ECT2: variants seen among roughly 807,000 people sequenced by gnomAD.
ECT2 encodes protein ECT2.
Under a neutral mutation model 116.9 loss-of-function variants are expected in ECT2, and 61 were observed. That is an observed-to-expected ratio of 0.52 (90% confidence interval 0.42 to 0.65). The LOEUF is 0.65. Ranked by LOEUF, ECT2 falls within the 30% of genes least tolerant of loss-of-function variation. The pLI is 0.00. For missense variants in ECT2, 937 were observed against 1,078.7 expected (o/e 0.87, Z 1.84); for synonymous variants, 358 against 346.4 (o/e 1.03, Z -0.37).
intron 18 of ECT2, among the ~76,000 whole-genome samples, chr3:172,796,037 GGAGA>G (rs529670772): frequency 4.0e-4 from 61 of 151,858 alleles, no homozygotes; most frequent in African/African-American, 1.4e-3. Context: ...AACCAGTGTG[GGAGA>G]GAGAGAGAGA....
Position 172,754,544 on chromosome 3 carries a change from G to C in ECT2, c.14G>C (p.Ser5Thr), listed in dbSNP as rs765434390. 1 of 1,597,832 alleles carries C rather than the reference G, an allele frequency of 6.3e-7. No homozygotes were observed. Among genetic ancestry groups the C allele is most frequent in the South Asian group, 1.1e-5 (1 of 87,608 alleles). ...AGAATACAAATCATGGCTGAAAATAGTGTATTAACATCCACTACTGGGAGG... is the reference window on the plus strand; with the variant it reads ...AGAATACAAATCATGGCTGAAAATACTGTATTAACATCCACTACTGGGAGG... MAEN[S>T]VLTSTTGRTS... Residue 5 changes from serine to threonine, a missense_variant, in exon 2 of 25, where the codon AGT (serine) becomes ACT (threonine). Physicochemically the swap from Ser to Thr is moderately conservative, Grantham distance 58 (BLOSUM62 1). Coordinates refer to ENST00000392692, the MANE Select transcript of ECT2 (RefSeq NM_001258315.2).
intron 24 of ECT2, chr3:172,818,608 C>A (rs761719174): frequency 3.9e-6 from 5 of 1,288,614 alleles, no homozygotes; most frequent in Non-Finnish European, 5.1e-6. Flanking sequence ...TTATGTTCAG[C>A]GCCTAAACTC....
chr3:172,817,068 A>G (rs1729851108), intron 24 of ECT2, among the ~76,000 whole-genome samples: 1 of 152,082 alleles, frequency 6.6e-6, no homozygotes, highest in Admixed American at 6.6e-5. Context: ...GGTGCACCTT[A>G]TACTTACAAA....
chr3:172,793,367 G>C (rs1725024290), intron 18 of ECT2, among the ~76,000 whole-genome samples: 1 of 152,004 alleles, frequency 6.6e-6, no homozygotes, highest in African/African-American at 2.4e-5. Flanking sequence ...GTTTCCCCAT[G>C]TTGGCCAAGT....
At chr3:172,791,478 T>G (rs1037465116) in intron 18 of ECT2, among the ~76,000 whole-genome samples, 11 of 152,246 alleles carry the variant, frequency 7.2e-5, no homozygotes, top group African/African-American at 2.2e-4. Context: ...TTCAATTATC[T>G]TATTTAGATT....
At position 172,760,278 on chromosome 3, in the gene ECT2, G is replaced by A. The variant is rs1485316400; in HGVS notation, c.684+15G>A. The A allele has an allele frequency of 6.7e-7, 1 of 1,497,314 alleles. No individual in the cohort carries two copies. Among genetic ancestry groups the A allele is most frequent in the African/African-American group, 1.4e-5 (1 of 72,440 alleles). 92.8% of individuals were successfully genotyped at this position (1,497,314 alleles called of 1,614,324 possible). A position where few individuals can be genotyped will look rare whatever the true frequency, so the allele number is the denominator to read the frequency against. ...AAAAATTCAGGGTATGTAAACTTGG[G>A]TATTTTTGTGTATTTCAATACAGCA... On this transcript the variant is annotated intron_variant, in intron 7 of 24. Coordinates refer to ENST00000392692, the MANE Select transcript of ECT2 (RefSeq NM_001258315.2).
chr3:172,766,152 G>T (rs116218270), intron 12 of ECT2, among the ~76,000 whole-genome samples: 1 of 152,176 alleles, frequency 6.6e-6, no homozygotes, highest in East Asian at 1.9e-4. Context: ...CTTAAGGGAA[G>T]AACTGAAAGT....
intron 1 of ECT2, among the ~76,000 whole-genome samples, chr3:172,753,527 T>G (rs59050382): frequency 0.061 from 9,354 of 152,298 alleles, 973 homozygotes; most frequent in African/African-American, 0.21. Context: ...ATAATTGTTT[T>G]GTCAAACCTT....
At chr3:172,811,297 T>G (rs1013540656) in intron 22 of ECT2, among the ~76,000 whole-genome samples, 1 of 152,190 alleles carries the variant, frequency 6.6e-6, no homozygotes, top group East Asian at 1.9e-4. Flanking sequence ...TCCCCGACTT[T>G]GCACTTTTGC....
intron 1 of ECT2, 123 bp from the exon 2 acceptor site, chr3:172,754,386 T>A: frequency 4.5e-6 from 3 of 660,974 alleles, no homozygotes; most frequent in Non-Finnish European, 7.3e-6. Flanking sequence ...AGTGACTTTC[T>A]TTGGTTCATT....
intron 17 of ECT2, 144 bp downstream of exon 17, chr3:172,784,947 A>G (rs1009965218): frequency 8.2e-6 from 4 of 488,012 alleles, no homozygotes; most frequent in Non-Finnish European, 1.4e-5. Context: ...GATTATCTTA[A>G]AAAATAGTTA....
chr3:172,761,898 A>G (rs1302877893), intron 8 of ECT2, among the ~76,000 whole-genome samples: 3 of 152,174 alleles, frequency 2.0e-5, no homozygotes, highest in Non-Finnish European at 2.9e-5. Context: ...TACCTTGTGA[A>G]GTAATTTTGG....
At chr3:172,805,618 ATAAC>A (rs1368174858) in intron 20 of ECT2, 109 bp from the exon 21 acceptor site, 3 of 1,051,812 alleles carry the variant, frequency 2.9e-6, no homozygotes, top group African/African-American at 3.2e-5. Context: ...GTAACGAATA[ATAAC>A]TAAATAAGTT....
At chr3:172,759,567 G>A (rs1010337342) in intron 6 of ECT2, among the ~76,000 whole-genome samples, 10 of 151,886 alleles carry the variant, frequency 6.6e-5, no homozygotes, top group African/African-American at 2.2e-4. Context: ...TCAGCCTCCC[G>A]AGGAGCTGGG....
intron 20 of ECT2, among the ~76,000 whole-genome samples, chr3:172,803,638 A>G (rs965935044): frequency 6.6e-6 from 1 of 152,160 alleles, no homozygotes; most frequent in Non-Finnish European, 1.5e-5. Context: ...ATCTCAGAAG[A>G]GAAAAATGTT....
chr3:172,818,856 A>G (rs1577057622), intron 24 of ECT2: 2 of 1,148,274 alleles, frequency 1.7e-6, no homozygotes, highest in East Asian at 1.3e-4. Context: ...TGCGGGAAAA[A>G]AAAAAGGAAC....
chr3:172,765,357 A>G (rs886226928), intron 12 of ECT2, among the ~76,000 whole-genome samples: 5 of 151,640 alleles, frequency 3.3e-5, no homozygotes, highest in Admixed American at 2.0e-4. Context: ...TTTCTTCTCT[A>G]TTGTACTCTC....
chr3:172,828,854 G>A, the ECT2 span: 1 of 1,053,078 alleles, frequency 9.5e-7, no homozygotes, highest in Non-Finnish European at 1.4e-6. Flanking sequence ...GTGCCTGAGA[G>A]ACGAGTGCCT....
chr3:172,773,809 CTATT>C (rs1401311101), intron 13 of ECT2, 90 bp from the exon 14 acceptor site: 2 of 1,251,308 alleles, frequency 1.6e-6, no homozygotes, highest in African/African-American at 3.0e-5. Context: ...ACTTCCTTCT[CTATT>C]AATATCTTGT....
Sources: gnomAD v4.1 joint callset for allele counts (sites outside exome capture counted in the v4.1 genomes callset) on GRCh38, gnomAD v4.1.1 for gene constraint, MANE v1.5 for transcripts, NCBI Gene and HGNC (gene_info 2026-07-23, HGNC 2026-07-21) for gene names.